Variants in GRIA4 observed in about 807,000 individuals in gnomAD.
The protein encoded by GRIA4 is glutamate receptor 4.
GRIA4 carries 34 observed loss-of-function variants against 104.0 expected under a neutral mutation model. That is an observed-to-expected ratio of 0.33 (90% CI 0.25 to 0.44). The LOEUF (loss-of-function observed/expected upper bound fraction) is 0.44, where lower values mean the gene tolerates loss of function less well. GRIA4 is among the 20% of genes least tolerant of loss of function. The pLI is 1.00. For synonymous variants in GRIA4, 386 were observed against 381.9 expected (o/e 1.01, Z -0.13); for missense variants, 750 against 1,096.5 (o/e 0.68, Z 4.46).
intron 14 of GRIA4, among the ~76,000 whole-genome samples, chr11:105,960,794 C>G (rs767508665): frequency 3.9e-5 from 6 of 152,200 alleles, no homozygotes; most frequent in Non-Finnish European, 8.8e-5. Flanking sequence ...GTGGGTTGCA[C>G]AGTTCCATGG....
chr11:105,790,481 T>G (rs1211737796), intron 4 of GRIA4, among the ~76,000 whole-genome samples: 1 of 152,116 alleles, frequency 6.6e-6, no homozygotes, highest in Non-Finnish European at 1.5e-5. Context: ...CCCATGCAGC[T>G]AAAATGACAC....
chr11:105,779,464 T>C (rs1254840720), intron 4 of GRIA4, among the ~76,000 whole-genome samples: 5 of 152,152 alleles, frequency 3.3e-5, no homozygotes, highest in Non-Finnish European at 7.3e-5. Context: ...CCTGTGTCCA[T>C]GTGATCTCAT....
intron 3 of GRIA4, among the ~76,000 whole-genome samples, chr11:105,680,146 G>A (rs943782144): frequency 6.6e-6 from 1 of 152,058 alleles, no homozygotes; most frequent in Non-Finnish European, 1.5e-5. Flanking sequence ...TTGAATCATT[G>A]CTATGTCACC....
chr11:105,661,321 CAT>C, intron 3 of GRIA4, among the ~76,000 whole-genome samples: 1 of 151,438 alleles, frequency 6.6e-6, no homozygotes, highest in East Asian at 1.9e-4. Context: ...GATATAATAA[CAT>C]AAAATGAGTA....
chr11:105,613,311 T>A (rs1003681744), intron 3 of GRIA4: 2 of 152,228 alleles, frequency 1.3e-5, no homozygotes, highest in African/African-American at 4.8e-5. Context: ...ATAGCAGTTG[T>A]ATTGCTTTTT....
chr11:105,700,168 G>A (rs1591098839), intron 3 of GRIA4, among the ~76,000 whole-genome samples: 2 of 152,156 alleles, frequency 1.3e-5, no homozygotes, highest in Non-Finnish European at 2.9e-5. Flanking sequence ...CCTCTGGGAC[G>A]GTGACAAAAC....
At chr11:105,755,481 C>T (rs1330302781) in intron 4 of GRIA4, among the ~76,000 whole-genome samples, 1 of 152,116 alleles carries the variant, frequency 6.6e-6, no homozygotes, top group Non-Finnish European at 1.5e-5. Flanking sequence ...TTTCTCCTTC[C>T]TTCTTAGGAA....
chr11:105,610,192 C>T lies in GRIA4; in HGVS notation c.-327C>T, dbSNP rs911033080. ...GCCTGGGGGCATGGGGAGGTACTAA[C>T]CCCCCGGAGCCCCCGATTGGGGCTT... On this transcript the variant is annotated 5_prime_UTR_variant, in exon 1 of 17. Coordinates refer to ENST00000282499, the MANE Select transcript of GRIA4 (RefSeq NM_000829.4). 1 of 150,454 alleles carries T rather than the reference C, an allele frequency of 6.6e-6. No individual in the cohort carries two copies. Among genetic ancestry groups the T allele is most frequent in the Non-Finnish European group, 1.5e-5 (1 of 68,200 alleles). 9.3% of individuals were successfully genotyped at this position (150,454 alleles called of 1,614,324 possible). A position where few individuals can be genotyped will look rare whatever the true frequency, so the allele number is the denominator to read the frequency against.
At chr11:105,967,004 TTC>T (rs1858408352) in intron 14 of GRIA4, among the ~76,000 whole-genome samples, 1 of 152,156 alleles carries the variant, frequency 6.6e-6, no homozygotes, top group Admixed American at 6.5e-5. Flanking sequence ...GTCTGAAATT[TTC>T]TGATAGTTTT....
intron 3 of GRIA4, among the ~76,000 whole-genome samples, chr11:105,703,978 C>A (rs916835777): frequency 2.6e-5 from 4 of 152,026 alleles, no homozygotes; most frequent in Non-Finnish European, 5.9e-5. Flanking sequence ...ACTTAAAAAT[C>A]TATTGATATT....
chr11:105,694,412 G>T (rs1953197487), intron 3 of GRIA4, among the ~76,000 whole-genome samples: 1 of 152,076 alleles, frequency 6.6e-6, no homozygotes, highest in African/African-American at 2.4e-5. Flanking sequence ...CTCCCAAAGT[G>T]CTGGGATTAT....
chr11:105,623,094 A>T (rs1950795915), intron 3 of GRIA4, among the ~76,000 whole-genome samples: 2 of 121,440 alleles, frequency 1.6e-5, no homozygotes, highest in South Asian at 5.1e-4. Context: ...TATATATACC[A>T]TATTTTCCTT....
chr11:105,884,885 T>A (rs1011650571), intron 5 of GRIA4, among the ~76,000 whole-genome samples: 15 of 152,200 alleles, frequency 9.9e-5, no homozygotes, highest in Non-Finnish European at 2.2e-4. Context: ...TATTTCCACT[T>A]AAAATGGATT....
At chr11:105,689,285 T>A (rs1244216041) in intron 3 of GRIA4, among the ~76,000 whole-genome samples, 1 of 152,160 alleles carries the variant, frequency 6.6e-6, no homozygotes. Context: ...CTGCTGTCAC[T>A]TAAGAGATAA....
rs151264828 is a variant in GRIA4 at position 105,668,362 on chromosome 11, G to GTA, written c.247+55937_247+55938dup. 4.8e-3 allele frequency among the ~76,000 whole-genome samples: 716 copies of GTA among 148,212 alleles called. 9 individuals are homozygous for GTA. The highest frequency in any genetic ancestry group is 0.017 in the African/African-American group (683 of 40,700). On this transcript the variant is annotated intron_variant, in intron 3 of 16. Coordinates refer to ENST00000282499, the MANE Select transcript of GRIA4 (RefSeq NM_000829.4). ...ATAGTTTTAAGAATTATTATATATT[G>GTA]TATATATATAAAATATTTTAAAAAC...
At chr11:105,830,540 G>C (rs1411527774) in intron 4 of GRIA4, among the ~76,000 whole-genome samples, 4 of 151,996 alleles carry the variant, frequency 2.6e-5, no homozygotes, top group Admixed American at 6.6e-5. Context: ...GATGGCACTA[G>C]CCATGTAGAT....
intron 4 of GRIA4, among the ~76,000 whole-genome samples, chr11:105,832,486 T>C (rs1944011451): frequency 6.6e-6 from 1 of 151,808 alleles, no homozygotes; most frequent in African/African-American, 2.4e-5. Flanking sequence ...ACTTACTTTA[T>C]CTAATTTGTT....
chr11:105,850,601 C>G (rs1026537096), intron 4 of GRIA4, among the ~76,000 whole-genome samples: 1 of 152,156 alleles, frequency 6.6e-6, no homozygotes, highest in African/African-American at 2.4e-5. Context: ...ATTAACCAAA[C>G]TGGACCACAG....
rs569654081 is a variant in GRIA4, at chr11:105,784,463, T to C, written c.487+31243T>C. On this transcript the variant is annotated intron_variant, in intron 4 of 16. Transcript: ENST00000282499. ...ATCCTTGAAAGGAGCATTTCATTAT[T>C]ATAACTGCCGTGAGTGCAGGAGTCT... 3.7e-4 allele frequency among the ~76,000 whole-genome samples: 57 copies of C among 152,320 alleles called. No individual in the cohort carries two copies. In the South Asian group the frequency reaches 0.011, roughly 30 times the overall value.
Sources: gnomAD v4.1 joint callset for allele counts (sites outside exome capture counted in the v4.1 genomes callset) on GRCh38, gnomAD v4.1.1 for gene constraint, MANE v1.5 for transcripts, NCBI Gene and HGNC (gene_info 2026-07-23, HGNC 2026-07-21) for gene names.